TMEM98: variants seen among roughly 807,000 people sequenced by gnomAD.
TMEM98 encodes transmembrane protein 98.
TMEM98 carries 18 observed loss-of-function variants against 25.0 expected under a neutral mutation model. The ratio of observed to expected loss-of-function variants is 0.72; its 90% CI spans 0.50 to 1.07. The LOEUF is 1.07. Among genes scored for constraint, TMEM98 ranks in the 50% least tolerant of loss-of-function variants. The pLI, the probability that TMEM98 is intolerant of heterozygous loss-of-function variation, is 0.00. For missense variants in TMEM98, 241 were observed against 289.0 expected (o/e 0.83, Z 1.20); for synonymous variants, 103 against 112.4 (o/e 0.92, Z 0.53).
intron 7 of TMEM98, 62 bp downstream of exon 7, chr17:32,939,598 G>C: frequency 6.3e-7 from 1 of 1,598,338 alleles, no homozygotes; most frequent in South Asian, 1.1e-5. Flanking sequence ...CGTTTTATCA[G>C]ATCTGTGAGG....
chr17:32,938,168 C>T (rs1351086366), intron 6 of TMEM98, among the ~76,000 whole-genome samples: 4 of 152,202 alleles, frequency 2.6e-5, no homozygotes, highest in Admixed American at 2.0e-4. Flanking sequence ...CTAGAATGCT[C>T]CGTGCCATAA....
Position 32,931,350 on chromosome 17 carries a change from G to A in TMEM98, c.-107G>A, listed in dbSNP as rs754857440. 8 of 711,612 alleles carry A rather than the reference G, an allele frequency of 1.1e-5. No homozygotes were observed. The highest frequency in any genetic ancestry group is 4.0e-4 in the Middle Eastern group (1 of 2,472). The allele number at this position is 711,612 out of a possible 1,614,324, so 44.1% of individuals were successfully genotyped here. A position where few individuals can be genotyped will look rare whatever the true frequency, so the allele number is the denominator to read the frequency against. On this transcript the variant is annotated 5_prime_UTR_variant, in exon 2 of 8. It adds an upstream start codon to the 5' untranslated region. Transcript: ENST00000579849. ...AGGCCCTCAGGTCTCTGCAGGTGTC[G>A]TGGAGGAACCTAGCACCTGCCATCC...
intron 6 of TMEM98, among the ~76,000 whole-genome samples, chr17:32,936,737 C>T (rs996736956): frequency 1.3e-5 from 2 of 152,184 alleles, no homozygotes; most frequent in African/African-American, 2.4e-5. Flanking sequence ...CTGCAGAGCC[C>T]GTGGCCGCCC....
intron 1 of TMEM98, among the ~76,000 whole-genome samples, chr17:32,929,474 G>A (rs1434087384): frequency 6.6e-6 from 1 of 152,142 alleles, no homozygotes; most frequent in East Asian, 1.9e-4. Flanking sequence ...TGCCTGGAAA[G>A]AGAAACAGAG....
intron 5 of TMEM98, 144 bp from the exon 6 acceptor site, chr17:32,936,188 C>A: frequency 1.6e-6 from 1 of 629,716 alleles, no homozygotes; most frequent in Non-Finnish European, 2.7e-6. Context: ...CGTTTCCTCT[C>A]ATCTCTGTAC....
At chr17:32,935,917 A>G (rs141573179) in intron 5 of TMEM98, among the ~76,000 whole-genome samples, 67 of 152,302 alleles carry the variant, frequency 4.4e-4, no homozygotes, top group African/African-American at 1.3e-3. Flanking sequence ...AAAGGGAACA[A>G]TTGCCCTTTG....
intron 1 of TMEM98, chr17:32,930,887 T>A (rs2091464591): frequency 6.6e-6 from 1 of 152,214 alleles, no homozygotes; most frequent in African/African-American, 2.4e-5. Context: ...TTAAAATGTT[T>A]CCTTTTGTCT....
intron 6 of TMEM98, 38 bp downstream of exon 6, chr17:32,936,485 GA>G: frequency 6.4e-7 from 1 of 1,555,414 alleles, no homozygotes; most frequent in Non-Finnish European, 8.9e-7. Context: ...CACACTCCCT[GA>G]GGGAAGAGAG....
intron 1 of TMEM98, among the ~76,000 whole-genome samples, chr17:32,930,578 C>A (rs1000161412): frequency 2.0e-5 from 3 of 152,216 alleles, no homozygotes; most frequent in Admixed American, 6.5e-5. Context: ...CTTTCCAGAA[C>A]CTTTACAGTC....
rs1306243532 is a variant in TMEM98, at chr17:32,932,112, T to C, written c.131+453T>C. ...ACAGCAGATTTTTTTTTTTTTTTTT[T>C]TTTTTGAGATAGAGTTTCACTCTCG... On this transcript the variant is annotated intron_variant, in intron 3 of 7. Transcript: ENST00000579849. Among the ~76,000 whole-genome samples the C allele has an allele frequency of 2.0e-5, 3 of 150,750 alleles. No homozygotes were observed. The East Asian group carries it at 5.8e-4, about 29-fold the overall frequency.
intron 6 of TMEM98, among the ~76,000 whole-genome samples, chr17:32,936,961 G>A (rs1014509127): frequency 6.6e-6 from 1 of 152,274 alleles, no homozygotes; most frequent in Non-Finnish European, 1.5e-5. Context: ...CAACCTCCCA[G>A]ATTCCAGGCT....
chr17:32,931,336 T>TAGAG lies in TMEM98; in HGVS notation c.-121_-120insAGAG, dbSNP rs2091467870. On this transcript the variant is annotated 5_prime_UTR_variant, in exon 2 of 8. Transcript: ENST00000579849. ...CCTTGGTTCTCTTCAGGCCCTCAGG[T>TAGAG]CTCTGCAGGTGTCGTGGAGGAACCT... is the stretch of plus-strand genomic sequence containing the variant. 1 of 609,476 alleles carries TAGAG rather than the reference T, an allele frequency of 1.6e-6. No individual in the cohort carries two copies. Among genetic ancestry groups the TAGAG allele is most frequent in the Admixed American group, 3.4e-5 (1 of 29,060 alleles). The allele number at this position is 609,476 out of a possible 1,614,324, so 37.8% of individuals were successfully genotyped here.
At chr17:32,938,591 C>T (rs1475941977) in intron 6 of TMEM98, among the ~76,000 whole-genome samples, 1 of 152,172 alleles carries the variant, frequency 6.6e-6, no homozygotes, top group African/African-American at 2.4e-5. Flanking sequence ...TAGAAGAAAT[C>T]CAGTAGAGCA....
rs1398705257 is a variant in TMEM98 at position 32,941,680 on chromosome 17, A to G, written c.*687A>G. The G allele has an allele frequency of 6.6e-6, 1 of 152,222 alleles. No homozygotes were observed. Among genetic ancestry groups the G allele is most frequent in the Non-Finnish European group, 1.5e-5 (1 of 68,052 alleles). The allele number at this position is 152,222 out of a possible 1,614,324, so 9.4% of individuals were successfully genotyped here. On this transcript the variant is annotated 3_prime_UTR_variant, in exon 8 of 8. Coordinates refer to ENST00000579849, the MANE Select transcript of TMEM98 (RefSeq NM_015544.3). The stretch of plus-strand genomic sequence containing the variant: ...TAGTTATTGAGTCAAATTCATATGC[A>G]TGGTGTATTGTGGGACATACTTAGA...
chr17:32,934,835 CAATCTG>C (rs1369599788), intron 5 of TMEM98, among the ~76,000 whole-genome samples: 3 of 152,228 alleles, frequency 2.0e-5, no homozygotes, highest in African/African-American at 7.2e-5. Flanking sequence ...AGGCATACTT[CAATCTG>C]AAGGCAGAGG....
In TMEM98 at chr17:32,941,160, C is replaced by T. The variant is rs751718838; in HGVS notation, c.*167C>T. The T allele has an allele frequency of 3.3e-6, 2 of 608,948 alleles. No individual in the cohort carries two copies. Among genetic ancestry groups the T allele is most frequent in the Non-Finnish European group, 5.6e-6 (2 of 357,328 alleles). The allele number at this position is 608,948 out of a possible 1,614,324, so 37.7% of individuals were successfully genotyped here. ...TCCCCGTCAGTTTATGCCTCTTTTG[C>T]AGTTGCAAACTGTGGCTGGTGAGTG... On this transcript the variant is annotated 3_prime_UTR_variant, in exon 8 of 8. Transcript: ENST00000579849.
At position 32,942,933 on chromosome 17, in the gene TMEM98, G is replaced by A. The variant is rs2091538079; in HGVS notation, c.*1940G>A. ...TGCAATGGCTGCCACAGTTGTAAGT[G>A]TCCCCTGCATTTTAACCTGCACTAG... is the stretch of plus-strand genomic sequence containing the variant. On this transcript the variant is annotated 3_prime_UTR_variant, in exon 8 of 8. Coordinates refer to ENST00000579849, the MANE Select transcript of TMEM98 (RefSeq NM_015544.3). The A allele has an allele frequency of 6.6e-6, 1 of 152,190 alleles. No individual in the cohort carries two copies. The highest frequency in any genetic ancestry group is 2.4e-5 in the African/African-American group (1 of 41,438). The allele number at this position is 152,190 out of a possible 1,614,324, so 9.4% of individuals were successfully genotyped here. A position where few individuals can be genotyped will look rare whatever the true frequency, so the allele number is the denominator to read the frequency against.
At chr17:32,935,808 T>G (rs1383593606) in intron 5 of TMEM98, among the ~76,000 whole-genome samples, 1 of 152,212 alleles carries the variant, frequency 6.6e-6, no homozygotes, top group African/African-American at 2.4e-5. Context: ...GCCTTTTCCC[T>G]GCTTTTCCTA....
chr17:32,939,536 G>T lies in TMEM98; in HGVS notation c.473G>T (p.Arg158Leu), dbSNP rs766552578. 2 of 1,614,088 alleles carry T rather than the reference G, an allele frequency of 1.2e-6. No individual in the cohort carries two copies. Among genetic ancestry groups the T allele is most frequent in the South Asian group, 1.1e-5 (1 of 91,078 alleles). Residue 158 changes from arginine (R) to leucine (L), a missense_variant and splice_region_variant, in exon 7 of 8, where the codon CGG becomes CTG. Transcript: ENST00000579849. ...TTGGACCCCAAACTCCTGGACGCAC[G>T]GTGAGACCAGGGGTGGGTGCATGTT... The part of the protein sequence containing the change: ...PPLDPKLLDA[R>L]TTALLLSVSH...
Sources: gnomAD v4.1 joint callset for allele counts (sites outside exome capture counted in the v4.1 genomes callset) on GRCh38, gnomAD v4.1.1 for gene constraint, MANE v1.5 for transcripts, NCBI Gene and HGNC (gene_info 2026-07-23, HGNC 2026-07-21) for gene names.